Variants in NXPE2 observed in about 807,000 individuals in gnomAD.
The protein encoded by NXPE2 is NXPE family member 2.
A neutral mutation model predicts 34.4 loss-of-function variants in NXPE2; 34 were observed. That is an observed-to-expected ratio of 0.99 (90% confidence interval 0.75 to 1.31). The LOEUF (loss-of-function observed/expected upper bound fraction) is 1.31, where lower values mean the gene tolerates loss of function less well. Ranked by LOEUF, NXPE2 falls within the 40% of genes most tolerant of loss-of-function variation. The pLI, the probability that NXPE2 is intolerant of heterozygous loss-of-function variation, is 0.00. For missense variants in NXPE2, 649 were observed against 672.5 expected (o/e 0.97, Z 0.39); for synonymous variants, 235 against 231.3 (o/e 1.02, Z -0.15).
the NXPE2 span, among the ~76,000 whole-genome samples, chr11:114,771,610 C>T: frequency 6.6e-6 from 1 of 152,098 alleles, no homozygotes; most frequent in African/African-American, 2.4e-5. Flanking sequence ...ACTCAGTCCT[C>T]GTGAGTGCTC....
chr11:114,626,894 C>T, the NXPE2 span, among the ~76,000 whole-genome samples: 2,182 of 151,080 alleles, frequency 0.014, 47 homozygotes, highest in African/African-American at 0.047. Flanking sequence ...GGAGCTGATG[C>T]GATCAACTGG....
chr11:114,670,673 C>T, the NXPE2 span, among the ~76,000 whole-genome samples: 1 of 151,940 alleles, frequency 6.6e-6, no homozygotes, highest in Admixed American at 6.6e-5. Flanking sequence ...GCCTGGGCAA[C>T]AGAGTGAGAC....
the NXPE2 span, among the ~76,000 whole-genome samples, chr11:114,597,054 G>A: frequency 1.3e-5 from 2 of 152,144 alleles, no homozygotes; most frequent in Non-Finnish European, 2.9e-5. Flanking sequence ...AAACTAGGAA[G>A]TTGGAAAAAC....
the NXPE2 span, among the ~76,000 whole-genome samples, chr11:114,638,836 G>T: frequency 6.6e-6 from 1 of 151,818 alleles, no homozygotes; most frequent in Admixed American, 6.6e-5. Flanking sequence ...TTTTGTCTCA[G>T]TGGAGTACCC....
the NXPE2 span, among the ~76,000 whole-genome samples, chr11:114,649,877 T>C: frequency 6.6e-6 from 1 of 152,234 alleles, no homozygotes; most frequent in African/African-American, 2.4e-5. Context: ...AATGTTTTAC[T>C]AAGGCAGGGA....
chr11:114,548,332 A>G, the NXPE2 span, among the ~76,000 whole-genome samples: 3 of 152,026 alleles, frequency 2.0e-5, no homozygotes, highest in Non-Finnish European at 4.4e-5. Context: ...TCGTGTAGAT[A>G]TATACTGAAC....
At chr11:114,697,135 A>G (rs1178530471) in intron 2 of NXPE2, among the ~76,000 whole-genome samples, 1 of 152,166 alleles carries the variant, frequency 6.6e-6, no homozygotes, top group Non-Finnish European at 1.5e-5. Flanking sequence ...AATCATGAAT[A>G]AGGACGTGCC....
At chr11:114,798,815 C>CCTTGATCTT in the NXPE2 span, among the ~76,000 whole-genome samples, 83 of 152,188 alleles carry the variant, frequency 5.5e-4, no homozygotes, top group African/African-American at 1.7e-3. Flanking sequence ...TCATCTAGTC[C>CCTTGATCTT]CTTGATCTTC....
chr11:114,646,106 T>G, the NXPE2 span, among the ~76,000 whole-genome samples: 2 of 152,128 alleles, frequency 1.3e-5, no homozygotes, highest in Non-Finnish European at 2.9e-5. Flanking sequence ...CTTTTATTTC[T>G]TAATATGTTT....
At chr11:114,580,243 A>G in the NXPE2 span, 1 of 1,613,876 alleles carries the variant, frequency 6.2e-7, no homozygotes, top group African/African-American at 1.3e-5. Flanking sequence ...GCCAAACTAC[A>G]GGAGACAGGA....
the NXPE2 span, among the ~76,000 whole-genome samples, chr11:114,491,181 A>AG: frequency 6.8e-6 from 1 of 146,240 alleles, no homozygotes; most frequent in Non-Finnish European, 1.5e-5. Context: ...AAAAAAAAAA[A>AG]GAGTTTCTGC....
chr11:114,700,317 A>G (rs1050339769), intron 3 of NXPE2, among the ~76,000 whole-genome samples: 1 of 152,230 alleles, frequency 6.6e-6, no homozygotes, highest in Non-Finnish European at 1.5e-5. Flanking sequence ...TAAGAGTAAC[A>G]GTTTCAAACG....
At chr11:114,608,883 A>C in the NXPE2 span, among the ~76,000 whole-genome samples, 2 of 150,512 alleles carry the variant, frequency 1.3e-5, no homozygotes, top group Non-Finnish European at 3.0e-5. Flanking sequence ...GGTGGATACC[A>C]AGTATTGCCT....
the NXPE2 span, among the ~76,000 whole-genome samples, chr11:114,774,900 C>T: frequency 5.3e-5 from 8 of 152,196 alleles, no homozygotes; most frequent in Admixed American, 5.2e-4. Flanking sequence ...GCGCTGGTAC[C>T]TATGGCTGGA....
the NXPE2 span, among the ~76,000 whole-genome samples, chr11:114,762,095 G>A: frequency 6.6e-6 from 1 of 152,172 alleles, no homozygotes; most frequent in Non-Finnish European, 1.5e-5. Flanking sequence ...CATAAAGGAT[G>A]GAGTAGCCAG....
the NXPE2 span, among the ~76,000 whole-genome samples, chr11:114,672,903 T>C: frequency 6.6e-6 from 1 of 151,450 alleles, no homozygotes; most frequent in African/African-American, 2.4e-5. Context: ...TTAGAACAAC[T>C]AGACAGAATA....
chr11:114,514,530 C>A, the NXPE2 span, among the ~76,000 whole-genome samples: 1 of 152,000 alleles, frequency 6.6e-6, no homozygotes, highest in African/African-American at 2.4e-5. Context: ...CTGGGACCAT[C>A]AGCATGCACC....
chr11:114,609,134 G>A, the NXPE2 span, among the ~76,000 whole-genome samples: 2 of 151,996 alleles, frequency 1.3e-5, no homozygotes, highest in Non-Finnish European at 2.9e-5. Context: ...TGGATAATAA[G>A]TATTGCCTCG....
the NXPE2 span, among the ~76,000 whole-genome samples, chr11:114,713,895 C>T: frequency 6.6e-6 from 1 of 152,166 alleles, no homozygotes; most frequent in African/African-American, 2.4e-5. Context: ...TCTTCCTGTA[C>T]AGCATGAGTT....
Sources: allele counts gnomAD v4.1 joint callset (sites outside exome capture counted in the v4.1 genomes callset), GRCh38; gene constraint gnomAD v4.1.1; transcripts MANE v1.5; gene names NCBI Gene and HGNC (gene_info 2026-07-23, HGNC 2026-07-21).